Variants in PLEKHO1 observed in about 807,000 individuals in gnomAD.
PLEKHO1 encodes pleckstrin homology domain containing O1.
PLEKHO1 carries 22 observed loss-of-function variants against 41.4 expected under a neutral mutation model. The observed-to-expected ratio is 0.53, with a 90% CI of 0.38 to 0.76. The LOEUF (loss-of-function observed/expected upper bound fraction) is 0.76, where lower values mean the gene tolerates loss of function less well. Among genes scored for constraint, PLEKHO1 ranks in the 30% least tolerant of loss-of-function variants. The pLI is 0.00. For missense variants in PLEKHO1, 488 were observed against 518.3 expected (o/e 0.94, Z 0.57); for synonymous variants, 225 against 210.8 (o/e 1.07, Z -0.58).
rs41264971 is a variant in PLEKHO1 at position 150,159,129 on chromosome 1, G to A, written c.836G>A (p.Arg279Gln). ...TCCCTGGAGGAGATCCTATCTCAGCGGGATGCTGCCTCTGCCCGCACCCTC... is the reference window on the plus strand; with the variant it reads ...TCCCTGGAGGAGATCCTATCTCAGCAGGATGCTGCCTCTGCCCGCACCCTC... ...CASLEEILSQ[R>Q]DAASARTLQL... Residue 279 changes from arginine to glutamine, a missense_variant, in exon 6 of 6, where the codon CGG becomes CAG. By Grantham distance (43) the Arg-to-Gln change is conservative (BLOSUM62 1). Coordinates refer to ENST00000369124, the MANE Select transcript of PLEKHO1 (RefSeq NM_016274.6). 13,875 of 1,612,444 alleles carry A rather than the reference G, an allele frequency of 8.6e-3. 115 individuals are homozygous for A. Among genetic ancestry groups the A allele is most frequent in the South Asian group, 0.018 (1,611 of 91,032 alleles).
At chr1:150,155,970 A>T in intron 2 of PLEKHO1, 96 bp from the exon 3 acceptor site, 1 of 1,209,888 alleles carries the variant, frequency 8.3e-7, no homozygotes, top group Non-Finnish European at 1.2e-6. Context: ...CCCTCTCCTC[A>T]GGCTTCCTCT....
At position 150,159,298 on chromosome 1, in the gene PLEKHO1, G is replaced by A. The variant is rs782707037; in HGVS notation, c.1005G>A (p.Lys335=). The change falls in exon 6 of 6, where the codon AAG becomes AAA. Residue 335 remains lysine (K), a synonymous_variant. Transcript: ENST00000369124. ...EVQGLGDGKR[K]AKDPPRSPPD... is the part of the protein sequence containing the mutation. ...AGGGACTGGGAGATGGGAAGCGAAA[G>A]GCCAAGGACCCCCCTCGGTCTCCGC... 1 of 1,614,154 alleles carries A rather than the reference G, an allele frequency of 6.2e-7. No homozygotes were observed. The highest frequency in any genetic ancestry group is 8.5e-7 in the Non-Finnish European group (1 of 1,180,026).
chr1:150,156,304 G>T (rs1559961819), intron 3 of PLEKHO1, 98 bp downstream of exon 3: 11 of 1,026,138 alleles, frequency 1.1e-5, no homozygotes, highest in Non-Finnish European at 1.6e-5. Context: ...AGCAATCTTG[G>T]TTCAGATTCC....
intron 4 of PLEKHO1, 154 bp downstream of exon 4, chr1:150,157,169 A>G (rs951690000): frequency 7.2e-6 from 5 of 695,600 alleles, no homozygotes; most frequent in Admixed American, 2.2e-5. Context: ...ATCTCTTTCT[A>G]CCTTCTCTCC....
At chr1:150,149,823 G>C (rs1379275286), upstream of PLEKHO1, 1 of 152,646 alleles carries the variant, frequency 6.6e-6, no homozygotes, top group African/African-American at 2.4e-5. Context: ...CGGGGGGAGC[G>C]CCCGAGCTGC....
At chr1:150,154,175 A>G (rs1297179413) in intron 2 of PLEKHO1, 3 of 152,194 alleles carry the variant, frequency 2.0e-5, no homozygotes, top group Non-Finnish European at 4.4e-5. Flanking sequence ...CACACACCCA[A>G]CACTTTCCTC....
chr1:150,150,873 A>C (rs782096795), intron 1 of PLEKHO1, 39 bp from the exon 2 acceptor site: 1 of 1,599,374 alleles, frequency 6.3e-7, no homozygotes, highest in South Asian at 1.1e-5. Flanking sequence ...GCCGGCTGGA[A>C]TCTCCTAACC....
rs143969465 is a variant in PLEKHO1, at chr1:150,159,146, C to T, written c.853C>T (p.Arg285Cys). ...ATCTCAGCGGGATGCTGCCTCTGCCCGCACCCTCCAGCTGCGGGCTGAGGA... is the reference window on the plus strand; with the variant it reads ...ATCTCAGCGGGATGCTGCCTCTGCCTGCACCCTCCAGCTGCGGGCTGAGGA... The part of the protein sequence containing the change: ...ILSQRDAASA[R>C]TLQLRAEEPP... Residue 285 changes from arginine to cysteine, a missense_variant, in exon 6 of 6, where the codon CGC (arginine) becomes TGC (cysteine). Arg to Cys is a radical substitution (Grantham distance 180, BLOSUM62 -3). Transcript: ENST00000369124. 1.0e-4 allele frequency: 167 copies of T among 1,611,686 alleles called. No homozygotes were observed. The African/African-American group carries it at 1.8e-3, about 18-fold the overall frequency.
chr1:150,158,800 T>A lies in PLEKHO1; in HGVS notation c.526-19T>A, dbSNP rs201870136. The A allele has an allele frequency of 3.9e-6, 6 of 1,552,844 alleles. No individual in the cohort carries two copies. The highest frequency in any genetic ancestry group is 5.3e-6 in the Non-Finnish European group (6 of 1,134,680). ...CTCCTGATGACAGGTTCCCCACTCATTCCCCCCTTCCTCCACAGGCTTCCA... is the reference window on the plus strand; with the variant it reads ...CTCCTGATGACAGGTTCCCCACTCAATCCCCCCTTCCTCCACAGGCTTCCA... On this transcript the variant is annotated intron_variant, in intron 5 of 5. Transcript: ENST00000369124.
At chr1:150,154,988 A>G (rs782445262) in intron 2 of PLEKHO1, 3 of 152,238 alleles carry the variant, frequency 2.0e-5, no homozygotes, top group South Asian at 2.1e-4. Context: ...AAGAGAAAAC[A>G]TTGTGGTCAG....
In PLEKHO1 at chr1:150,150,841, G is replaced by T. The variant is rs1436450897; in HGVS notation, c.31-71G>T. On this transcript the variant is annotated intron_variant, in intron 1 of 5. Coordinates refer to ENST00000369124, the MANE Select transcript of PLEKHO1 (RefSeq NM_016274.6). ...GAGACTGGGCCGCCGAGGCGGTCGT[G>T]AGAGACGGACGGAGAGGAAGCGCCG... The T allele has an allele frequency of 6.2e-6, 9 of 1,457,258 alleles. 1 individual carries two copies. The highest frequency in any genetic ancestry group is 4.6e-5 in the East Asian group (2 of 43,954). 90.3% of individuals were successfully genotyped at this position (1,457,258 alleles called of 1,614,324 possible). A position where few individuals can be genotyped will look rare whatever the true frequency, so the allele number is the denominator to read the frequency against.
intron 2 of PLEKHO1, 168 bp from the exon 3 acceptor site, chr1:150,155,898 C>T: frequency 1.6e-6 from 1 of 634,486 alleles, no homozygotes; most frequent in Admixed American, 2.5e-5. Flanking sequence ...CCCTAGCGTC[C>T]TCCTCGATGT....
intron 2 of PLEKHO1, 124 bp downstream of exon 2, chr1:150,151,182 T>A: frequency 1.0e-6 from 1 of 972,504 alleles, no homozygotes; most frequent in Non-Finnish European, 1.6e-6. Flanking sequence ...GTCTCCTCTC[T>A]ACCCCCATCT....
chr1:150,158,805 C>T lies in PLEKHO1; in HGVS notation c.526-14C>T, dbSNP rs200971563. ...GATGACAGGTTCCCCACTCATTCCC[C>T]CCTTCCTCCACAGGCTTCCACCTCT... is the stretch of plus-strand genomic sequence containing the variant. On this transcript the variant is annotated splice_polypyrimidine_tract_variant and intron_variant, in intron 5 of 5. Coordinates refer to ENST00000369124, the MANE Select transcript of PLEKHO1 (RefSeq NM_016274.6). The T allele has an allele frequency of 6.4e-7, 1 of 1,567,888 alleles. No individual in the cohort carries two copies. Among genetic ancestry groups the T allele is most frequent in the Non-Finnish European group, 8.7e-7 (1 of 1,146,098 alleles).
intron 2 of PLEKHO1, chr1:150,153,343 A>G (rs1429469999): frequency 1.2e-4 from 18 of 151,990 alleles, no homozygotes; most frequent in African/African-American, 2.4e-5. Context: ...ATGCACCACC[A>G]CACCCAGCTA....
At chr1:150,157,321 G>T in intron 4 of PLEKHO1, 64 bp from the exon 5 acceptor site, 1 of 1,227,458 alleles carries the variant, frequency 8.1e-7, no homozygotes, top group South Asian at 1.2e-5. Flanking sequence ...TTCAGGCCTC[G>T]GGATGCTGGG....
intron 1 of PLEKHO1, chr1:150,150,661 T>C: frequency 2.1e-6 from 1 of 471,348 alleles, no homozygotes; most frequent in Non-Finnish European, 3.8e-6. Flanking sequence ...CCTGGGAGCC[T>C]CTCCGCGCCC....
intron 3 of PLEKHO1, 127 bp downstream of exon 3, chr1:150,156,333 G>A: frequency 2.6e-6 from 2 of 763,326 alleles, no homozygotes. Flanking sequence ...CTCTCCTGCT[G>A]GCTTTTATCA....
At chr1:150,153,646 C>A (rs1159292089) in intron 2 of PLEKHO1, 1 of 152,178 alleles carries the variant, frequency 6.6e-6, no homozygotes, top group Non-Finnish European at 1.5e-5. Flanking sequence ...AGAATTTCTT[C>A]TGTGTTCGAT....
Sources: allele counts gnomAD v4.1 joint callset, GRCh38; gene constraint gnomAD v4.1.1; transcripts MANE v1.5; gene names NCBI Gene and HGNC (gene_info 2026-07-23, HGNC 2026-07-21).